Variants in MYO15B observed in about 807,000 individuals in gnomAD.
The protein encoded by MYO15B is myosin XVB pseudogene.
Under a neutral mutation model 119.3 loss-of-function variants are expected in MYO15B, and 207 were observed. The ratio of observed to expected loss-of-function variants is 1.73; its 90% CI spans 1.55 to 1.95. MYO15B has a LOEUF of 1.95. MYO15B is among the 30% of genes most tolerant of loss of function. The pLI is 0.00. For synonymous variants in MYO15B, 966 were observed against 498.9 expected (o/e 1.94, Z -12.48); for missense variants, 2,264 against 1,203.1 (o/e 1.88, Z -13.04).
chr17:75,611,501 T>C, intron 23 of MYO15B, 100 bp from the exon 24 acceptor site: 1 of 641,624 alleles, frequency 1.6e-6, no homozygotes, highest in South Asian at 1.7e-5. Context: ...CCGTGGTCTT[T>C]GGAAGGGATG....
chr17:75,591,640 G>T (rs1042865347), exon 5 of MYO15B: 13 of 702,706 alleles, frequency 1.8e-5, no homozygotes, highest in Non-Finnish European at 5.2e-6. Flanking sequence ...CAGGGAAGAC[G>T]GAAGCCGCCA....
exon 34 of MYO15B, chr17:75,615,322 A>G (rs1224007118): frequency 1.4e-6 from 1 of 702,348 alleles, no homozygotes; most frequent in African/African-American, 1.7e-5. Context: ...CAATGGGCAC[A>G]GTCCCTGCCA....
chr17:75,615,738 C>A (rs867992626), exon 36 of MYO15B: 1 of 699,670 alleles, frequency 1.4e-6, no homozygotes, highest in Non-Finnish European at 2.6e-6. Flanking sequence ...CCTGGAGCAG[C>A]AGATGCAGCA....
chr17:75,609,265 T>C (rs776603122), intron 21 of MYO15B, among the ~76,000 whole-genome samples: 2 of 151,626 alleles, frequency 1.3e-5, no homozygotes, highest in Non-Finnish European at 2.9e-5. Context: ...TAAAGAGCAG[T>C]GACCCAGTCA....
intron 14 of MYO15B, among the ~76,000 whole-genome samples, chr17:75,600,904 A>AT (rs540929270): frequency 3.7e-3 from 423 of 113,558 alleles, no homozygotes; most frequent in Middle Eastern, 0.011. Flanking sequence ...CTAATTTTTA[A>AT]TTTTTTTTTT....
intron 4 of MYO15B, 40 bp downstream of exon 4, chr17:75,591,286 A>G (rs1198919076): frequency 2.9e-6 from 2 of 701,230 alleles, no homozygotes; most frequent in East Asian, 5.4e-5. Context: ...CCCATGGGCC[A>G]CACTGAGGGT....
Position 75,589,202 on chromosome 17 carries a change from G to GGCGGCTGCGGCT in MYO15B, c.1151_1162dup (p.Leu384_Arg387dup), listed in dbSNP as rs949370567. ...CTGGGCCTCCTGCGCTGGCTGCGGCGGCGGCTGCGGCTGCGGCGGCGGCCG... is the reference window on the plus strand; with the variant it reads ...CTGGGCCTCCTGCGCTGGCTGCGGCGGCGGCTGCGGCTGCGGCTGCGGCTGCGGCGGCGGCCG... On this transcript the variant is annotated inframe_insertion, in exon 1 of 64. Transcript: ENST00000645453. This position sits in a 1 kb window ranked among gnomAD's most constrained non-coding sequence, Gnocchi z 4.2. The GGCGGCTGCGGCT allele has an allele frequency of 2.7e-4, 90 of 330,248 alleles. No individual in the cohort carries two copies. The highest frequency in any genetic ancestry group is 3.9e-4 in the Non-Finnish European group (74 of 189,916). The allele number at this position is 330,248 out of a possible 1,614,324, so 20.5% of individuals were successfully genotyped here.
intron 43 of MYO15B, 104 bp downstream of exon 43, chr17:75,618,289 G>A: frequency 1.5e-6 from 1 of 672,374 alleles, no homozygotes; most frequent in Non-Finnish European, 2.7e-6. Flanking sequence ...AGGGCATGTT[G>A]GCAGCCAGCA....
In MYO15B at chr17:75,624,238, T is replaced by A. The variant is rs765177006; in HGVS notation, c.8336T>A (p.Met2779Lys). The A allele has an allele frequency of 4.3e-6, 3 of 702,938 alleles. No individual in the cohort carries two copies. The South Asian group carries it at 4.4e-5, about 10-fold the overall frequency. 43.5% of individuals were successfully genotyped at this position (702,938 alleles called of 1,614,324 possible). Residue 2779 changes from methionine to lysine, a missense_variant, in exon 56 of 64, where the codon ATG (methionine) becomes AAG (lysine). Coordinates refer to ENST00000645453, the Ensembl canonical transcript of MYO15B. ...GTCAAATATGGGGGGCGCCGGCGGA[T>A]GCCCCCACCGGGTGAAATGAAGGCT...
chr17:75,615,084 G>A (rs930214651), intron 33 of MYO15B, 42 bp downstream of exon 33: 1 of 694,772 alleles, frequency 1.4e-6, no homozygotes, highest in Non-Finnish European at 2.6e-6. Flanking sequence ...CTCCGGGCCC[G>A]GCAGCATGGC....
exon 42 of MYO15B, chr17:75,617,911 C>T (rs1456545411): frequency 5.7e-6 from 4 of 702,718 alleles, no homozygotes; most frequent in African/African-American, 1.7e-5. Flanking sequence ...GAAGTTGTTC[C>T]TACGCAAGGA....
intron 9 of MYO15B, among the ~76,000 whole-genome samples, chr17:75,594,088 T>C (rs1412130245): frequency 7.7e-5 from 3 of 38,876 alleles, no homozygotes; most frequent in Non-Finnish European, 1.1e-4. Flanking sequence ...AGACCCTGTC[T>C]CAAAAAAAAA....
At chr17:75,617,041 T>C in intron 40 of MYO15B, 44 bp from the exon 41 acceptor site, 1 of 693,404 alleles carries the variant, frequency 1.4e-6, no homozygotes, top group Non-Finnish European at 2.6e-6. Context: ...GAACTTGGCC[T>C]TGTGCTGTGA....
In MYO15B at chr17:75,592,670, GC is replaced by G; in HGVS notation, c.2830-8del. Reference sequence around the variant, plus strand: ...GGCCCCGCTCCCTCACCCCTGCTGTGCTCTGCAGGGCCAGGCCTGCAGGCTG... The same window carrying G: ...GGCCCCGCTCCCTCACCCCTGCTGTGTCTGCAGGGCCAGGCCTGCAGGCTG... On this transcript the variant is annotated splice_region_variant and splice_polypyrimidine_tract_variant and intron_variant, in intron 8 of 63. Coordinates refer to ENST00000645453, the Ensembl canonical transcript of MYO15B. The G allele has an allele frequency of 1.4e-6, 1 of 699,002 alleles. No homozygotes were observed. Among genetic ancestry groups the G allele is most frequent in the Non-Finnish European group, 2.6e-6 (1 of 383,758 alleles). 43.3% of individuals were successfully genotyped at this position (699,002 alleles called of 1,614,324 possible).
At chr17:75,601,632 C>T (rs1265926757) in intron 15 of MYO15B, 69 bp downstream of exon 15, 28 of 674,452 alleles carry the variant, frequency 4.2e-5, no homozygotes, top group Admixed American at 2.1e-4. Context: ...CTGAGTCACC[C>T]GACAGCGGAG....
At chr17:75,603,200 T>C (rs1157487126) in exon 19 of MYO15B, 1 of 703,098 alleles carries the variant, frequency 1.4e-6, no homozygotes, top group Non-Finnish European at 2.6e-6. Context: ...TCCAGGCCTC[T>C]TTGACGTGGG....
chr17:75,589,703 G>C lies in MYO15B; in HGVS notation c.1646G>C (p.Arg549Thr), dbSNP rs2056317404. The change falls in exon 1 of 64, where the codon AGG (arginine) becomes ACG (threonine). Residue 549 changes from arginine (R) to threonine (T), a missense_variant. Transcript: ENST00000645453. The surrounding 1 kb of genome is among the most constrained non-coding windows in gnomAD (Gnocchi z 4.2). ...CCCAAGTTCGCGGTCGTGTTCCCCA[G>C]GATCCACAGGGCAGGGCGGGCGTCG... 2.5e-6 allele frequency: 1 copy of C among 398,868 alleles called. No homozygotes were observed. The allele number at this position is 398,868 out of a possible 1,614,324, so 24.7% of individuals were successfully genotyped here. A position where few individuals can be genotyped will look rare whatever the true frequency, so the allele number is the denominator to read the frequency against.
At chr17:75,599,299 C>T (rs1351876150) in intron 14 of MYO15B, among the ~76,000 whole-genome samples, 2 of 146,378 alleles carry the variant, frequency 1.4e-5, no homozygotes, top group South Asian at 2.1e-4. Flanking sequence ...TTTTTTGAGA[C>T]AGAGTCTCGC....
In MYO15B at chr17:75,592,088, G is replaced by A; in HGVS notation, c.2651+8G>A. 1 of 702,752 alleles carries A rather than the reference G, an allele frequency of 1.4e-6. No individual in the cohort carries two copies. Among genetic ancestry groups the A allele is most frequent in the Non-Finnish European group, 2.6e-6 (1 of 384,942 alleles). 43.5% of individuals were successfully genotyped at this position (702,752 alleles called of 1,614,324 possible). On this transcript the variant is annotated splice_region_variant and intron_variant, in intron 6 of 63. Coordinates refer to ENST00000645453, the Ensembl canonical transcript of MYO15B. ...CTGCCTCTACCTACAGCAGTGAGTG[G>A]CAGGGTTGCAGGGGGCACCTACAAT...
Sources: gnomAD v4.1 joint callset for allele counts (sites outside exome capture counted in the v4.1 genomes callset) on GRCh38, gnomAD v4.1.1 for gene constraint, Gnocchi (gnomAD v3.1) non-coding constraint, MANE v1.5 for transcripts, NCBI Gene and HGNC (gene_info 2026-07-23, HGNC 2026-07-21) for gene names.